Variants in NHSL3 observed in about 807,000 individuals in gnomAD.
The protein encoded by NHSL3 is NHS-like protein 3.
chr1:32,756,830 G>A, the NHSL3 span, among the ~76,000 whole-genome samples: 4 of 152,028 alleles, frequency 2.6e-5, no homozygotes, highest in Non-Finnish European at 4.4e-5. Context: ...CTAGCCAGGC[G>A]TGGTGGTGGG....
the NHSL3 span, chr1:32,767,807 G>A: frequency 3.1e-6 from 5 of 1,611,452 alleles, no homozygotes; most frequent in Non-Finnish European, 4.2e-6. Flanking sequence ...GGCTGAGAAT[G>A]ACAAACATCT....
At chr1:32,773,135 C>T in the NHSL3 span, 1 of 562,504 alleles carries the variant, frequency 1.8e-6, no homozygotes, top group East Asian at 2.9e-5. Flanking sequence ...TTGGCCTTAG[C>T]CTCATCTTGA....
the NHSL3 span, among the ~76,000 whole-genome samples, chr1:32,759,303 C>T: frequency 6.6e-6 from 1 of 152,194 alleles, no homozygotes; most frequent in Non-Finnish European, 1.5e-5. Flanking sequence ...TCCTGATTCC[C>T]AGCTCTTTCT....
the NHSL3 span, among the ~76,000 whole-genome samples, chr1:32,750,575 T>C: frequency 1.3e-5 from 2 of 152,270 alleles, no homozygotes; most frequent in East Asian, 3.9e-4. Context: ...TGGTGCGATC[T>C]CTGCTCACCG....
At chr1:32,763,503 G>A in the NHSL3 span, among the ~76,000 whole-genome samples, 2 of 152,198 alleles carry the variant, frequency 1.3e-5, no homozygotes, top group Non-Finnish European at 1.5e-5. Flanking sequence ...TCTTCCCCAG[G>A]TACCTGCCCT....
chr1:32,746,774 A>G, the NHSL3 span, among the ~76,000 whole-genome samples: 1 of 152,196 alleles, frequency 6.6e-6, no homozygotes, highest in East Asian at 1.9e-4. Context: ...TCCAGAGGCC[A>G]CACTCTACAA....
At chr1:32,743,718 G>C in the NHSL3 span, among the ~76,000 whole-genome samples, 1 of 152,230 alleles carries the variant, frequency 6.6e-6, no homozygotes, top group Non-Finnish European at 1.5e-5. Context: ...TGGAAAAGCT[G>C]AGCCTGTAGG....
At chr1:32,771,892 C>T in the NHSL3 span, 1 of 1,588,614 alleles carries the variant, frequency 6.3e-7, no homozygotes, top group Non-Finnish European at 8.6e-7. Context: ...AGCACTGGGG[C>T]CATCGGCCCC....
the NHSL3 span, among the ~76,000 whole-genome samples, chr1:32,742,696 C>T: frequency 2.0e-5 from 3 of 152,350 alleles, no homozygotes; most frequent in Middle Eastern, 0.01. Context: ...CACAGTGTGC[C>T]CTGCCTTAGC....
chr1:32,749,463 A>G, the NHSL3 span, among the ~76,000 whole-genome samples: 1 of 152,102 alleles, frequency 6.6e-6, no homozygotes, highest in Non-Finnish European at 1.5e-5. Context: ...CTCAGAGCTC[A>G]TGGCCCGAGA....
chr1:32,760,314 C>G, the NHSL3 span, among the ~76,000 whole-genome samples: 26 of 152,230 alleles, frequency 1.7e-4, no homozygotes, highest in Admixed American at 1.4e-3. Flanking sequence ...ACCCCCGCCC[C>G]TTGCTCTGGA....
chr1:32,754,569 ACACACAGG>A, the NHSL3 span, among the ~76,000 whole-genome samples: 2 of 152,032 alleles, frequency 1.3e-5, no homozygotes, highest in African/African-American at 4.8e-5. Context: ...GCAGATCCAG[ACACACAGG>A]CACACAGTCG....
At chr1:32,746,776 A>G in the NHSL3 span, among the ~76,000 whole-genome samples, 1 of 152,058 alleles carries the variant, frequency 6.6e-6, no homozygotes, top group Non-Finnish European at 1.5e-5. Context: ...CAGAGGCCAC[A>G]CTCTACAAAG....
At chr1:32,762,779 G>C in the NHSL3 span, among the ~76,000 whole-genome samples, 1 of 151,884 alleles carries the variant, frequency 6.6e-6, no homozygotes, top group Non-Finnish European at 1.5e-5. Context: ...TAGTAGAGAC[G>C]GGCTTTCACC....
chr1:32,752,810 C>G, the NHSL3 span, among the ~76,000 whole-genome samples: 1 of 149,518 alleles, frequency 6.7e-6, no homozygotes, highest in East Asian at 2.0e-4. Flanking sequence ...AACTCCTGAC[C>G]TGAAGTGATC....
chr1:32,754,264 C>A, the NHSL3 span: 1 of 648,338 alleles, frequency 1.5e-6, no homozygotes, highest in Admixed American at 2.3e-5. Flanking sequence ...CCTCCCGGGG[C>A]TTGGAGGGTG....
chr1:32,750,249 C>T, the NHSL3 span, among the ~76,000 whole-genome samples: 1 of 152,138 alleles, frequency 6.6e-6, no homozygotes, highest in Non-Finnish European at 1.5e-5. Context: ...CCACTGTACT[C>T]TATGCCCTTG....
At chr1:32,750,713 G>A in the NHSL3 span, among the ~76,000 whole-genome samples, 2 of 152,002 alleles carry the variant, frequency 1.3e-5, no homozygotes, top group Non-Finnish European at 2.9e-5. Context: ...TCACCATGTT[G>A]GCCAGGCTGG....
At chr1:32,758,941 G>A in the NHSL3 span, among the ~76,000 whole-genome samples, 1 of 152,156 alleles carries the variant, frequency 6.6e-6, no homozygotes, top group African/African-American at 2.4e-5. Flanking sequence ...TCACTAAGGA[G>A]AGATAGGGAG....
Sources: gnomAD v4.1 joint callset for allele counts (sites outside exome capture counted in the v4.1 genomes callset) on GRCh38, gnomAD v4.1.1 for gene constraint, MANE v1.5 for transcripts, NCBI Gene and HGNC (gene_info 2026-07-23, HGNC 2026-07-21) for gene names.